The following TXNRD3 variants were observed in gnomAD, a reference collection of about 807,000 sequenced individuals.
TXNRD3 encodes the protein thioredoxin reductase 3, also known as TXNRD3 neighbor gene protein.
TXNRD3 carries 68 observed loss-of-function variants against 78.2 expected under a neutral mutation model. The observed-to-expected ratio is 0.87, with a 90% CI of 0.72 to 1.06. The LOEUF is 1.06. TXNRD3 is among the 50% of genes least tolerant of loss of function. TXNRD3 has a pLI of 0.00. For missense variants in TXNRD3, 751 were observed against 809.5 expected, an observed-to-expected ratio of 0.93 and a Z score of 0.88; for synonymous variants, 296 against 300.1, an observed-to-expected ratio of 0.99 and a Z score of 0.14.
rs765999070 is a variant in TXNRD3 at position 126,612,478 on chromosome 3, TTTTGTTTG to T, written c.1633-1354_1633-1347del. Among the ~76,000 whole-genome samples, 8 of 152,266 alleles carry T rather than the reference TTTTGTTTG, an allele frequency of 5.3e-5. 1 individual carries two copies. The highest frequency in any genetic ancestry group is 1.3e-4 in the Admixed American group (2 of 15,300). On this transcript the variant is annotated intron_variant, in intron 13 of 15. Coordinates refer to ENST00000524230, the MANE Select transcript of TXNRD3 (RefSeq NM_052883.3). ...GGTACAAACTCTTACCAGGTTTGTT[TTTTGTTTG>T]TTTGTTTGTTTGTTTTTGAGACAGA...
At chr3:126,647,102 T>C (rs758098374) in intron 2 of TXNRD3, 134 bp downstream of exon 2, 61 of 596,880 alleles carry the variant, frequency 1.0e-4, no homozygotes, top group Middle Eastern at 9.1e-4. Context: ...ATTTTCTGCA[T>C]GGCTGAATGT....
intron 13 of TXNRD3, 66 bp from the exon 14 acceptor site, chr3:126,611,198 T>C (rs1938191804): frequency 2.0e-6 from 2 of 1,021,542 alleles, no homozygotes; most frequent in Non-Finnish European, 2.7e-6. Flanking sequence ...TGATAGGCTC[T>C]TTAATTCTAT....
At chr3:126,613,366 T>C (rs981046005) in intron 13 of TXNRD3, among the ~76,000 whole-genome samples, 1 of 152,186 alleles carries the variant, frequency 6.6e-6, no homozygotes, top group African/African-American at 2.4e-5. Context: ...TCCATCCCCA[T>C]CTTCCCAATA....
At chr3:126,630,445 A>C (rs1295659866) in intron 9 of TXNRD3, among the ~76,000 whole-genome samples, 1 of 152,166 alleles carries the variant, frequency 6.6e-6, no homozygotes, top group East Asian at 1.9e-4. Flanking sequence ...AATAAGGAAA[A>C]AGAAAACTAC....
intron 14 of TXNRD3, 30 bp from the exon 15 acceptor site, chr3:126,608,663 C>T: frequency 6.5e-7 from 1 of 1,527,738 alleles, no homozygotes; most frequent in Non-Finnish European, 8.8e-7. Flanking sequence ...CAAAGAGAAT[C>T]CCAGTAGGTT....
At chr3:126,648,813 G>A (rs1169608212) in intron 1 of TXNRD3, among the ~76,000 whole-genome samples, 1 of 152,122 alleles carries the variant, frequency 6.6e-6, no homozygotes, top group Non-Finnish European at 1.5e-5. Context: ...TGATCTCAAA[G>A]GCACAAGCAA....
At position 126,647,129 on chromosome 3, in the gene TXNRD3, T is replaced by C. The variant is rs1019253247; in HGVS notation, c.304+107A>G. Reference sequence around the variant, plus strand: ...GCTGAATGTAGACAAAAATGCCTCATTTAACCCGAAGACAAGAGTAATCTG... The same window carrying C: ...GCTGAATGTAGACAAAAATGCCTCACTTAACCCGAAGACAAGAGTAATCTG... On this transcript the variant is annotated intron_variant, in intron 2 of 15. Coordinates refer to ENST00000524230, the MANE Select transcript of TXNRD3 (RefSeq NM_052883.3). 19 of 855,440 alleles carry C rather than the reference T, an allele frequency of 2.2e-5. No individual in the cohort carries two copies. In the African/African-American group the frequency reaches 3.0e-4, roughly 13 times the overall value. The allele number at this position is 855,440 out of a possible 1,614,324, so 53.0% of individuals were successfully genotyped here.
At chr3:126,651,065 T>A (rs1021905451) in intron 1 of TXNRD3, among the ~76,000 whole-genome samples, 1 of 152,148 alleles carries the variant, frequency 6.6e-6, no homozygotes, top group Admixed American at 6.5e-5. Context: ...AGCAGCCCAA[T>A]GAAGAAACAA....
chr3:126,642,952 G>A (rs936500133), intron 5 of TXNRD3, among the ~76,000 whole-genome samples: 15 of 152,180 alleles, frequency 9.9e-5, no homozygotes, highest in African/African-American at 3.4e-4. Flanking sequence ...TATCACAAAG[G>A]TGTAAGCAGG....
intron 10 of TXNRD3, among the ~76,000 whole-genome samples, chr3:126,627,977 G>A (rs527433740): frequency 2.4e-4 from 36 of 152,210 alleles, no homozygotes; most frequent in African/African-American, 4.1e-4. Flanking sequence ...TCTAAATAAC[G>A]AAGTCCAACA....
chr3:126,630,836 A>T lies in TXNRD3; in HGVS notation c.1073T>A (p.Leu358Gln). The change falls in exon 9 of 16, where the codon CTA (leucine) becomes CAA (glutamine). Residue 358 changes from leucine (L) to glutamine (Q), a missense_variant. Coordinates refer to ENST00000524230, the MANE Select transcript of TXNRD3 (RefSeq NM_052883.3). ...TGAGCGTACCATAACTGTGACATCT[A>T]GGCCAAAGCCAGCCAGAAACCCTGC... 1 of 1,535,972 alleles carries T rather than the reference A, an allele frequency of 6.5e-7. No individual in the cohort carries two copies. The highest frequency in any genetic ancestry group is 8.7e-7 in the Non-Finnish European group (1 of 1,146,886).
At position 126,634,004 on chromosome 3, in the gene TXNRD3, T is replaced by C. The variant is rs1489998863; in HGVS notation, c.760A>G (p.Ser254Gly). 29 of 1,529,134 alleles carry C rather than the reference T, an allele frequency of 1.9e-5. No homozygotes were observed. The highest frequency in any genetic ancestry group is 2.4e-5 in the Non-Finnish European group (27 of 1,142,910). The allele number at this position is 1,529,134 out of a possible 1,614,324, so 94.7% of individuals were successfully genotyped here. Residue 254 changes from serine to glycine, a missense_variant, in exon 7 of 16, where the codon AGC (serine) becomes GGC (glycine). Ser to Gly is a moderately conservative substitution (Grantham distance 56). Transcript: ENST00000524230. ...AACCTGTAGCCCCAGTTTAGAGAGCTGATGTGGTTCTGAATCGCTTTTGTC... is the reference window on the plus strand; with the variant it reads ...AACCTGTAGCCCCAGTTTAGAGAGCCGATGTGGTTCTGAATCGCTTTTGTC...
At chr3:126,614,696 A>C (rs1338478453) in intron 13 of TXNRD3, among the ~76,000 whole-genome samples, 1 of 152,228 alleles carries the variant, frequency 6.6e-6, no homozygotes, top group Non-Finnish European at 1.5e-5. Context: ...AGGGAATATC[A>C]GTGCTGTGAT....
In TXNRD3 at chr3:126,654,119, A is replaced by C. The variant is rs552951775; in HGVS notation, c.243+629T>G. ...TCTACAGTACTAGTGTCACTTTATTATTCTTAAAAATATATATGCATAATA... is the reference window on the plus strand; with the variant it reads ...TCTACAGTACTAGTGTCACTTTATTCTTCTTAAAAATATATATGCATAATA... On this transcript the variant is annotated intron_variant, in intron 1 of 15. Transcript: ENST00000524230. 5.3e-5 allele frequency among the ~76,000 whole-genome samples: 8 copies of C among 152,278 alleles called. No individual in the cohort carries two copies. The South Asian group carries it at 1.7e-3, about 32-fold the overall frequency.
chr3:126,609,184 T>G (rs1426085330), intron 14 of TXNRD3: 1 of 444,296 alleles, frequency 2.3e-6, no homozygotes, highest in East Asian at 7.1e-5. Context: ...ACGGTAACGG[T>G]GCATTCTAGG....
At chr3:126,654,523 G>A (rs1933462433) in intron 1 of TXNRD3, among the ~76,000 whole-genome samples, 1 of 152,176 alleles carries the variant, frequency 6.6e-6, no homozygotes, top group South Asian at 2.1e-4. Context: ...CTCTGCACAG[G>A]GTCCTAACCC....
chr3:126,621,927 T>C lies in TXNRD3; in HGVS notation c.1368-29A>G, dbSNP rs1049134655. The C allele has an allele frequency of 1.4e-5, 21 of 1,475,258 alleles. No homozygotes were observed. In the Admixed American group the frequency reaches 2.9e-4, roughly 20 times the overall value. 91.4% of individuals were successfully genotyped at this position (1,475,258 alleles called of 1,614,324 possible). ...TTAGTTTTTGAAATGGGAAAAAATA[T>C]ATATTACAACTCACTCTACACTGCT... On this transcript the variant is annotated intron_variant, in intron 11 of 15. Transcript: ENST00000524230.
chr3:126,607,745 C>T lies in TXNRD3; in HGVS notation c.*160G>A, dbSNP rs1409179323. On this transcript the variant is annotated 3_prime_UTR_variant, in exon 16 of 16. Transcript: ENST00000524230. The stretch of plus-strand genomic sequence containing the variant: ...CAAGGCAGATGCCCACTGCTGTCCT[C>T]TTTCCTTGTCTACTTTCTCATCTAA... The T allele has an allele frequency of 2.3e-6, 1 of 443,978 alleles. No homozygotes were observed. The highest frequency in any genetic ancestry group is 3.8e-6 in the Non-Finnish European group (1 of 264,008). The allele number at this position is 443,978 out of a possible 1,614,324, so 27.5% of individuals were successfully genotyped here. A position where few individuals can be genotyped will look rare whatever the true frequency, so the allele number is the denominator to read the frequency against.
intron 1 of TXNRD3, among the ~76,000 whole-genome samples, chr3:126,648,415 GAAC>G (rs1440878728): frequency 6.6e-6 from 1 of 151,992 alleles, no homozygotes. Flanking sequence ...TGAATAACCA[GAAC>G]AATCTTGTAA....
Sources: gnomAD v4.1 joint callset for allele counts (sites outside exome capture counted in the v4.1 genomes callset) on GRCh38, gnomAD v4.1.1 for gene constraint, MANE v1.5 for transcripts, NCBI Gene and HGNC (gene_info 2026-07-23, HGNC 2026-07-21) for gene names.